Variants in EFNB2 observed in about 807,000 individuals in gnomAD.
The protein encoded by EFNB2 is ephrin-B2.
EFNB2 carries 5 observed loss-of-function variants against 32.1 expected under a neutral mutation model. The ratio of observed to expected loss-of-function variants is 0.16; its 90% CI spans 0.08 to 0.33. EFNB2 has a LOEUF of 0.33. Ranked by LOEUF, EFNB2 falls within the 10% of genes least tolerant of loss-of-function variation. The pLI, the probability that EFNB2 is intolerant of heterozygous loss-of-function variation, is 1.00. For synonymous variants in EFNB2, 168 were observed against 166.5 expected (o/e 1.01, Z -0.07); for missense variants, 263 against 422.6 (o/e 0.62, Z 3.31).
chr13:106,499,383 T>C (rs543669019), intron 2 of EFNB2, among the ~76,000 whole-genome samples: 6 of 152,260 alleles, frequency 3.9e-5, no homozygotes, highest in African/African-American at 1.4e-4. Flanking sequence ...CAAGAAGCTC[T>C]GAAAGGCTTA....
At chr13:106,499,369 T>C (rs1878697781) in intron 2 of EFNB2, among the ~76,000 whole-genome samples, 1 of 152,144 alleles carries the variant, frequency 6.6e-6, no homozygotes, top group Admixed American at 6.5e-5. Flanking sequence ...CCTGCAATAG[T>C]CACCAAGAAG....
At chr13:106,514,465 G>A (rs1879248697) in intron 1 of EFNB2, among the ~76,000 whole-genome samples, 1 of 152,126 alleles carries the variant, frequency 6.6e-6, no homozygotes, top group Admixed American at 6.5e-5. Flanking sequence ...GAATGTTTGG[G>A]ATGAGGCTAA....
chr13:106,523,510 A>T (rs1879603423), intron 1 of EFNB2, among the ~76,000 whole-genome samples: 2 of 152,204 alleles, frequency 1.3e-5, no homozygotes. Context: ...GGGGACTCTG[A>T]GTTCTAAAAG....
At chr13:106,495,507 TATC>T (rs1878560486) in intron 3 of EFNB2, among the ~76,000 whole-genome samples, 1 of 151,720 alleles carries the variant, frequency 6.6e-6, no homozygotes, top group African/African-American at 2.4e-5. Context: ...ATTATCTATC[TATC>T]TATCTATCTA....
At position 106,490,506 on chromosome 13, in the gene EFNB2, A is replaced by T. The variant is rs1281460147; in HGVS notation, c.*2534T>A. ...TTTATCAATTCATCTGATTTTTCAC[A>T]GTTTAGCATAGAACCAAAACGTAGC... On this transcript the variant is annotated 3_prime_UTR_variant, in exon 5 of 5. Transcript: ENST00000646441. The T allele has an allele frequency of 2.6e-5, 4 of 152,192 alleles. No homozygotes were observed. Among genetic ancestry groups the T allele is most frequent in the African/African-American group, 4.8e-5 (2 of 41,448 alleles). The allele number at this position is 152,192 out of a possible 1,614,324, so 9.4% of individuals were successfully genotyped here. A position where few individuals can be genotyped will look rare whatever the true frequency, so the allele number is the denominator to read the frequency against.
chr13:106,514,755 C>T (rs557493010), intron 1 of EFNB2, among the ~76,000 whole-genome samples: 10 of 152,128 alleles, frequency 6.6e-5, no homozygotes, highest in Non-Finnish European at 1.5e-4. Flanking sequence ...GTAGCCTGCA[C>T]AGACAGCACT....
intron 2 of EFNB2, among the ~76,000 whole-genome samples, chr13:106,498,006 G>A (rs966385288): frequency 7.2e-5 from 11 of 152,064 alleles, no homozygotes; most frequent in African/African-American, 2.2e-4. Flanking sequence ...ACTTCATTCA[G>A]GTGGAATCCC....
At chr13:106,521,800 T>C (rs1879530460) in intron 1 of EFNB2, among the ~76,000 whole-genome samples, 1 of 151,920 alleles carries the variant, frequency 6.6e-6, no homozygotes, top group Non-Finnish European at 1.5e-5. Context: ...GAAGTATTTA[T>C]TTAATTTTTA....
intron 2 of EFNB2, among the ~76,000 whole-genome samples, chr13:106,500,264 C>T (rs1878730194): frequency 6.6e-6 from 1 of 152,194 alleles, no homozygotes; most frequent in Non-Finnish European, 1.5e-5. Context: ...TAGTCCACCA[C>T]ATTGCTAACA....
In EFNB2 at chr13:106,535,161, G is replaced by T. The variant is rs886870244; in HGVS notation, c.-197C>A. On this transcript the variant is annotated 5_prime_UTR_variant, in exon 1 of 5. Coordinates refer to ENST00000646441, the MANE Select transcript of EFNB2 (RefSeq NM_004093.4). ...CTCCGGGGCCCTCAGGGCGCGGGGC[G>T]GGAGCGCACGCGCGGGGCGCGGCGG... 1.2e-5 allele frequency: 4 copies of T among 340,394 alleles called. No homozygotes were observed. Among genetic ancestry groups the T allele is most frequent in the South Asian group, 1.2e-4 (1 of 8,198 alleles). The allele number at this position is 340,394 out of a possible 1,614,324, so 21.1% of individuals were successfully genotyped here. A position where few individuals can be genotyped will look rare whatever the true frequency, so the allele number is the denominator to read the frequency against.
chr13:106,534,059 T>G (rs1201562332), intron 1 of EFNB2, among the ~76,000 whole-genome samples: 1 of 152,062 alleles, frequency 6.6e-6, no homozygotes, highest in African/African-American at 2.4e-5. Context: ...GGAGAAGGCT[T>G]CAGGAGCAGT....
intron 2 of EFNB2, among the ~76,000 whole-genome samples, chr13:106,504,851 T>G (rs1878898956): frequency 6.6e-6 from 1 of 152,206 alleles, no homozygotes; most frequent in Admixed American, 6.5e-5. Context: ...TTTGAGAGAT[T>G]TTTATTTTTA....
At chr13:106,534,422 A>T (rs1392287036) in intron 1 of EFNB2, among the ~76,000 whole-genome samples, 1 of 151,962 alleles carries the variant, frequency 6.6e-6, no homozygotes, top group Non-Finnish European at 1.5e-5. Context: ...CGGGCCCCGG[A>T]CCACGCCGCC....
Position 106,493,311 on chromosome 13 carries a change from G to A in EFNB2, c.731C>T (p.Thr244Met), listed in dbSNP as rs1325617911. ...GTACTTCAGCAAGAGGACCACCAGC[G>A]TGATGATGATGACGATGAAGATGAT... ...GCIIFIVIII[T>M]LVVLLLKYRR... Residue 244 changes from threonine to methionine, a missense_variant, in exon 5 of 5, where the codon ACG (threonine) becomes ATG (methionine). Physicochemically the swap from Thr to Met is moderately conservative, Grantham distance 81. Transcript: ENST00000646441. This position sits in a 1 kb window ranked among gnomAD's most constrained non-coding sequence, Gnocchi z 6.1. 8.1e-6 allele frequency: 13 copies of A among 1,614,068 alleles called. No homozygotes were observed. Among genetic ancestry groups the A allele is most frequent in the Admixed American group, 1.7e-5 (1 of 60,002 alleles).
rs191276922 is a variant in EFNB2 at position 106,503,829 on chromosome 13, T to G, written c.407-7989A>C. Among the ~76,000 whole-genome samples, 171 of 152,282 alleles carry G rather than the reference T, an allele frequency of 1.1e-3. 1 individual carries two copies. The highest frequency in any genetic ancestry group is 4.6e-3 in the Admixed American group (71 of 15,294). ...AAAATCTACTAAGATAGAGGAATTG[T>G]GTTTTAAAAATAGGCGGCCAGATGA... On this transcript the variant is annotated intron_variant, in intron 2 of 4. Transcript: ENST00000646441.
At chr13:106,494,012 C>T (rs1272833596) in intron 4 of EFNB2, among the ~76,000 whole-genome samples, 1 of 152,208 alleles carries the variant, frequency 6.6e-6, no homozygotes, top group Non-Finnish European at 1.5e-5. Flanking sequence ...CAGAAACTCT[C>T]ACACCGAACA....
chr13:106,508,341 C>T (rs909325989), intron 2 of EFNB2, among the ~76,000 whole-genome samples: 1 of 151,838 alleles, frequency 6.6e-6, no homozygotes, highest in Admixed American at 6.6e-5. Context: ...ATTTCATGAA[C>T]ATTAAAAAAA....
intron 2 of EFNB2, among the ~76,000 whole-genome samples, chr13:106,505,805 G>C (rs953588328): frequency 3.9e-5 from 6 of 152,160 alleles, no homozygotes; most frequent in African/African-American, 1.4e-4. Context: ...AAGATACCAA[G>C]ATACATTTTA....
chr13:106,516,791 C>T (rs1255793089), intron 1 of EFNB2: 4 of 152,194 alleles, frequency 2.6e-5, no homozygotes, highest in Non-Finnish European at 5.9e-5. Context: ...ATGTGCAACC[C>T]TTCCCCAGGA....
Sources: gnomAD v4.1 joint callset for allele counts (sites outside exome capture counted in the v4.1 genomes callset) on GRCh38, gnomAD v4.1.1 for gene constraint, Gnocchi (gnomAD v3.1) non-coding constraint, MANE v1.5 for transcripts, NCBI Gene and HGNC (gene_info 2026-07-23, HGNC 2026-07-21) for gene names.